MAP3K5: variants seen among roughly 807,000 people sequenced by gnomAD.
MAP3K5 encodes mitogen-activated protein kinase kinase kinase 5.
A neutral mutation model predicts 158.7 loss-of-function variants in MAP3K5; 56 were observed. The ratio of observed to expected loss-of-function variants is 0.35; its 90% confidence interval spans 0.28 to 0.44. The LOEUF (loss-of-function observed/expected upper bound fraction) is 0.44. MAP3K5 is among the 20% of genes least tolerant of loss of function. MAP3K5 has a pLI of 1.00. For synonymous variants in MAP3K5, 579 were observed against 601.7 expected (o/e 0.96, Z 0.55); for missense variants, 1,294 against 1,674.8 (o/e 0.77, Z 3.97).
chr6:136,605,135 GACAC>G (rs1369912246), intron 19 of MAP3K5, 70 bp downstream of exon 19: 1 of 1,424,554 alleles, frequency 7.0e-7, no homozygotes, highest in African/African-American at 1.4e-5. Flanking sequence ...AAAAAAATAT[GACAC>G]ACACACACAG....
chr6:136,685,764 G>A (rs1780120393), intron 7 of MAP3K5, among the ~76,000 whole-genome samples: 1 of 152,066 alleles, frequency 6.6e-6, no homozygotes, highest in African/African-American at 2.4e-5. Context: ...TGAAAACCCA[G>A]AGGATTATGA....
chr6:136,623,243 G>A (rs912046518), intron 14 of MAP3K5, among the ~76,000 whole-genome samples: 1 of 152,164 alleles, frequency 6.6e-6, no homozygotes, highest in Non-Finnish European at 1.5e-5. Context: ...AAAGCCATGT[G>A]GATTCTTTTA....
chr6:136,713,249 C>T (rs1781387368), intron 2 of MAP3K5, among the ~76,000 whole-genome samples: 1 of 152,126 alleles, frequency 6.6e-6, no homozygotes, highest in Admixed American at 6.6e-5. Context: ...CGACCAGAGT[C>T]ACTACAAATG....
chr6:136,750,445 G>C (rs1313560111), intron 1 of MAP3K5, among the ~76,000 whole-genome samples: 1 of 152,186 alleles, frequency 6.6e-6, no homozygotes, highest in Non-Finnish European at 1.5e-5. Context: ...ATCTCTAAAA[G>C]ACCATAAATA....
chr6:136,792,741 C>A (rs1323668824), upstream of MAP3K5, among the ~76,000 whole-genome samples: 1 of 152,188 alleles, frequency 6.6e-6, no homozygotes, highest in Non-Finnish European at 1.5e-5. This position sits in a 1 kb window ranked among gnomAD's most constrained non-coding sequence, Gnocchi z 5.7. Context: ...TCGCCTTCAT[C>A]GGGTGGATTT....
chr6:136,792,368 C>T lies in MAP3K5; in HGVS notation c.-211G>A. The T allele has an allele frequency of 3.0e-6, 3 of 1,000,620 alleles. No homozygotes were observed. Among genetic ancestry groups the T allele is most frequent in the Non-Finnish European group, 3.6e-6 (3 of 841,230 alleles). The allele number at this position is 1,000,620 out of a possible 1,614,324, so 62.0% of individuals were successfully genotyped here. On this transcript the variant is annotated 5_prime_UTR_variant, in exon 1 of 30. Coordinates refer to ENST00000359015, the MANE Select transcript of MAP3K5 (RefSeq NM_005923.4). This position sits in a 1 kb window ranked among gnomAD's most constrained non-coding sequence, Gnocchi z 5.7. ...GCGGCTCGCTCCTCCTCGGCGCCTC[C>T]GTGGCCGCGCCGCTCGCCCTCTGCA...
chr6:136,593,714 C>CAAAAAA (rs760563651), intron 21 of MAP3K5: 41 of 242,998 alleles, frequency 1.7e-4, no homozygotes, highest in Non-Finnish European at 2.0e-4. Context: ...GACAGATATG[C>CAAAAAA]AAAAAAAAAA....
chr6:136,701,845 G>C (rs1440788331), intron 3 of MAP3K5, among the ~76,000 whole-genome samples: 1 of 152,136 alleles, frequency 6.6e-6, no homozygotes, highest in East Asian at 1.9e-4. Flanking sequence ...TTAGCTGCTG[G>C]ATAAAATTAT....
chr6:136,582,995 C>G (rs1031803641), intron 24 of MAP3K5, among the ~76,000 whole-genome samples: 3 of 152,184 alleles, frequency 2.0e-5, no homozygotes, highest in Non-Finnish European at 2.9e-5. Context: ...CTCATTAGAT[C>G]ATGTGCTTTA....
rs1785110599 is a variant in MAP3K5 at position 136,792,184 on chromosome 6, C to A, written c.-27G>T. The A allele has an allele frequency of 6.5e-7, 1 of 1,527,210 alleles. No homozygotes were observed. Among genetic ancestry groups the A allele is most frequent in the Non-Finnish European group, 8.8e-7 (1 of 1,140,980 alleles). 94.6% of individuals were successfully genotyped at this position (1,527,210 alleles called of 1,614,324 possible). A position where few individuals can be genotyped will look rare whatever the true frequency, so the allele number is the denominator to read the frequency against. On this transcript the variant is annotated 5_prime_UTR_variant, in exon 1 of 30. Transcript: ENST00000359015. The surrounding 1 kb of genome is among the most constrained non-coding windows in gnomAD (Gnocchi z 5.7). ...TCTCCGGGCCGGGCAGCAACGGCGGCGGCGTCCCCCGCCCAGCCGCACCGC... is the reference window on the plus strand; with the variant it reads ...TCTCCGGGCCGGGCAGCAACGGCGGAGGCGTCCCCCGCCCAGCCGCACCGC...
chr6:136,660,681 A>C (rs554341787), intron 8 of MAP3K5, among the ~76,000 whole-genome samples: 1 of 152,218 alleles, frequency 6.6e-6, no homozygotes, highest in Non-Finnish European at 1.5e-5. Flanking sequence ...CCATCACATT[A>C]AATTGTTGGG....
At chr6:136,755,059 T>C (rs976766551) in intron 1 of MAP3K5, among the ~76,000 whole-genome samples, 1 of 152,118 alleles carries the variant, frequency 6.6e-6, no homozygotes, top group Non-Finnish European at 1.5e-5. Context: ...TCCTAACGCA[T>C]GCAACTCCAC....
chr6:136,635,891 AAAAC>A (rs1375757165), intron 14 of MAP3K5, among the ~76,000 whole-genome samples: 2 of 152,130 alleles, frequency 1.3e-5, no homozygotes, highest in African/African-American at 4.8e-5. Flanking sequence ...CCGGTCTCAA[AAAAC>A]AAACAATTTA....
intron 10 of MAP3K5, among the ~76,000 whole-genome samples, chr6:136,653,523 GC>G (rs1255514355): frequency 1.3e-5 from 2 of 152,078 alleles, no homozygotes; most frequent in Non-Finnish European, 2.9e-5. Flanking sequence ...GACCAAGATC[GC>G]CCCACAGGTA....
At chr6:136,664,325 A>G (rs1443328988) in intron 8 of MAP3K5, among the ~76,000 whole-genome samples, 1 of 152,098 alleles carries the variant, frequency 6.6e-6, no homozygotes, top group Admixed American at 6.5e-5. Flanking sequence ...AAACAAGCTC[A>G]GGGCTCCCAC....
At chr6:136,745,794 A>C (rs1451503686) in intron 1 of MAP3K5, among the ~76,000 whole-genome samples, 1 of 152,368 alleles carries the variant, frequency 6.6e-6, no homozygotes, top group South Asian at 2.1e-4. Context: ...TATTTTCAAT[A>C]AAGGCATAGA....
intron 26 of MAP3K5, among the ~76,000 whole-genome samples, chr6:136,564,167 T>G (rs1022510480): frequency 6.6e-6 from 1 of 152,202 alleles, no homozygotes; most frequent in Non-Finnish European, 1.5e-5. Context: ...TTCTGTTCCT[T>G]GCTACCTCAG....
chr6:136,761,340 T>C lies in MAP3K5; in HGVS notation c.448+30370A>G, dbSNP rs115651236. Among the ~76,000 whole-genome samples the C allele has an allele frequency of 8.3e-3, 1,171 of 140,396 alleles. 17 individuals are homozygous for C. Among genetic ancestry groups the C allele is most frequent in the African/African-American group, 0.029 (1,059 of 37,000 alleles). 92.1% of individuals were successfully genotyped at this position (140,396 alleles called of 152,430 possible). A position where few individuals can be genotyped will look rare whatever the true frequency, so the allele number is the denominator to read the frequency against. ...TCAGCCAGGAGGCTGGCCACTAAAA[T>C]GCAAGAGTGCATGCAGCAGGCACTG... is the stretch of plus-strand genomic sequence containing the variant. On this transcript the variant is annotated intron_variant, in intron 1 of 29. Coordinates refer to ENST00000359015, the MANE Select transcript of MAP3K5 (RefSeq NM_005923.4).
chr6:136,699,764 A>T (rs1583440310), intron 3 of MAP3K5, among the ~76,000 whole-genome samples: 1 of 152,350 alleles, frequency 6.6e-6, no homozygotes, highest in Admixed American at 6.5e-5. Flanking sequence ...TACATTCTGG[A>T]CAATGCAGAA....
Sources: allele counts gnomAD v4.1 joint callset (sites outside exome capture counted in the v4.1 genomes callset), GRCh38; gene constraint gnomAD v4.1.1; non-coding constraint Gnocchi (gnomAD v3.1); transcripts MANE v1.5; gene names NCBI Gene and HGNC (gene_info 2026-07-23, HGNC 2026-07-21).